Variants in TGFBR2 observed in about 807,000 individuals in gnomAD.
TGFBR2 encodes transforming growth factor beta receptor 2.
In TGFBR2, 18 loss-of-function variants were observed where a neutral mutation model predicts 49.0. The ratio of observed to expected loss-of-function variants is 0.37; its 90% CI spans 0.25 to 0.54. The LOEUF is 0.54. TGFBR2 is among the 20% of genes least tolerant of loss of function. The probability of loss-of-function intolerance (pLI) is 0.85; values close to 1 mark genes in which losing one functional copy is unlikely to be tolerated. For synonymous variants in TGFBR2, 282 were observed against 275.9 expected (o/e 1.02, Z -0.22); for missense variants, 525 against 722.6 (o/e 0.73, Z 3.13).
intron 3 of TGFBR2, among the ~76,000 whole-genome samples, chr3:30,662,114 G>T (rs981077806): frequency 2.0e-5 from 3 of 152,172 alleles, no homozygotes; most frequent in Non-Finnish European, 4.4e-5. Context: ...TTGCTTTAGA[G>T]AACAGCAGAA....
intron 5 of TGFBR2, among the ~76,000 whole-genome samples, chr3:30,679,000 G>A (rs552571880): frequency 1.9e-4 from 29 of 152,278 alleles, no homozygotes; most frequent in African/African-American, 7.0e-4. Context: ...GCCTTTAAGT[G>A]ACTCATAAAC....
chr3:30,607,951 T>A (rs563732843), intron 1 of TGFBR2, among the ~76,000 whole-genome samples: 2 of 150,488 alleles, frequency 1.3e-5, no homozygotes, highest in Admixed American at 6.6e-5. Flanking sequence ...GTTAGATTTT[T>A]TTTTTTTGGA....
intron 2 of TGFBR2, among the ~76,000 whole-genome samples, chr3:30,647,480 A>T (rs1698764789): frequency 6.6e-6 from 1 of 152,146 alleles, no homozygotes; most frequent in African/African-American, 2.4e-5. Context: ...TATTGTAAAA[A>T]TAGCCAGTGT....
At chr3:30,615,434 A>C (rs1698113960) in intron 1 of TGFBR2, among the ~76,000 whole-genome samples, 1 of 152,212 alleles carries the variant, frequency 6.6e-6, no homozygotes, top group South Asian at 2.1e-4. Context: ...AAGTCAATCC[A>C]AAAAATTTAT....
At chr3:30,653,815 CAT>C (rs1698945253) in intron 3 of TGFBR2, among the ~76,000 whole-genome samples, 1 of 152,140 alleles carries the variant, frequency 6.6e-6, no homozygotes, top group African/African-American at 2.4e-5. Context: ...TCAGAGAAAA[CAT>C]ACTGTCGCTG....
chr3:30,606,540 C>T (rs886058298), upstream of TGFBR2: 2 of 277,774 alleles, frequency 7.2e-6, no homozygotes, highest in Non-Finnish European at 1.4e-5. Flanking sequence ...GAGGTCCTGC[C>T]CAGCTGTTGG....
At chr3:30,688,622 C>A in intron 6 of TGFBR2, 111 bp downstream of exon 6, 1 of 1,458,306 alleles carries the variant, frequency 6.9e-7, no homozygotes, top group Non-Finnish European at 9.4e-7. Flanking sequence ...CCATTGTGTT[C>A]TATGGCCCTG....
In TGFBR2 at chr3:30,678,562, A is replaced by AT. The variant is rs1559469312; in HGVS notation, c.1396+4316_1396+4317insT. 3.3e-4 allele frequency among the ~76,000 whole-genome samples: 50 copies of AT among 151,208 alleles called. 1 individual carries two copies. Among genetic ancestry groups the AT allele is most frequent in the Non-Finnish European group, 4.4e-4 (30 of 67,774 alleles). On this transcript the variant is annotated intron_variant, in intron 5 of 6. Transcript: ENST00000295754. ...GACTGCGTCTAAAAAAAAAAAAAAA[A>AT]AAAAAAGAGGTATGGTCCACCTCAA...
At chr3:30,661,520 A>G (rs758077894) in intron 3 of TGFBR2, 2 of 492,108 alleles carry the variant, frequency 4.1e-6, no homozygotes, top group East Asian at 1.1e-4. Flanking sequence ...CCAATTTTCT[A>G]AAACTTGACA....
At chr3:30,673,447 C>T (rs549452869) in intron 4 of TGFBR2, among the ~76,000 whole-genome samples, 25 of 152,280 alleles carry the variant, frequency 1.6e-4, no homozygotes, top group Non-Finnish European at 2.6e-4. Flanking sequence ...ATGGATCCGA[C>T]GTTTGCATAT....
chr3:30,641,966 A>G (rs1203376178), intron 1 of TGFBR2, among the ~76,000 whole-genome samples: 3 of 146,896 alleles, frequency 2.0e-5, no homozygotes, highest in Non-Finnish European at 3.0e-5. Flanking sequence ...CTTTCTTCTA[A>G]TGGTCCTTTT....
rs909297012 is a variant in TGFBR2 at position 30,691,945 on chromosome 3, C to T, written c.*346C>T. The T allele has an allele frequency of 2.7e-5, 6 of 219,546 alleles. No individual in the cohort carries two copies. Among genetic ancestry groups the T allele is most frequent in the Non-Finnish European group, 4.5e-5 (5 of 110,120 alleles). The allele number at this position is 219,546 out of a possible 1,614,324, so 13.6% of individuals were successfully genotyped here. On this transcript the variant is annotated 3_prime_UTR_variant, in exon 7 of 7. Coordinates refer to ENST00000295754, the MANE Select transcript of TGFBR2 (RefSeq NM_003242.6). The stretch of plus-strand genomic sequence containing the variant: ...TATATATATCTATATATGTCTATAG[C>T]TCTATATATATAGCCATACCTTGAA...
chr3:30,627,954 G>A (rs1046647502), intron 1 of TGFBR2, among the ~76,000 whole-genome samples: 3 of 151,996 alleles, frequency 2.0e-5, no homozygotes, highest in Non-Finnish European at 4.4e-5. Context: ...TATAATCACA[G>A]TGGGACAGAT....
intron 2 of TGFBR2, among the ~76,000 whole-genome samples, chr3:30,648,447 CA>C (rs1559458153): frequency 2.3e-4 from 34 of 150,340 alleles, no homozygotes; most frequent in African/African-American, 4.2e-4. Flanking sequence ...CACACACACA[CA>C]CACACACACA....
intron 3 of TGFBR2, among the ~76,000 whole-genome samples, chr3:30,661,036 G>A (rs1020341341): frequency 6.6e-6 from 1 of 152,184 alleles, no homozygotes; most frequent in Non-Finnish European, 1.5e-5. Flanking sequence ...TTTCCAAAGC[G>A]ATCTGGTCTC....
chr3:30,673,119 C>T (rs1040938101), intron 4 of TGFBR2, among the ~76,000 whole-genome samples: 1 of 152,200 alleles, frequency 6.6e-6, no homozygotes, highest in Admixed American at 6.5e-5. Context: ...AGCCAGGTGG[C>T]AGGACACACT....
intron 1 of TGFBR2, among the ~76,000 whole-genome samples, chr3:30,641,255 T>C (rs1038119118): frequency 6.6e-6 from 1 of 152,226 alleles, no homozygotes; most frequent in African/African-American, 2.4e-5. Flanking sequence ...TTCATAAGGC[T>C]TTTATCAAAC....
chr3:30,644,645 A>G, intron 1 of TGFBR2, 102 bp from the exon 2 acceptor site: 1 of 1,124,814 alleles, frequency 8.9e-7, no homozygotes. Context: ...ATTCATTCTC[A>G]TGACATCAAG....
At chr3:30,658,153 C>T (rs540386980) in intron 3 of TGFBR2, among the ~76,000 whole-genome samples, 2 of 152,332 alleles carry the variant, frequency 1.3e-5, no homozygotes, top group African/African-American at 4.8e-5. Context: ...TTTACAAAAA[C>T]AGGGCTCAGG....
Sources: allele counts gnomAD v4.1 joint callset (sites outside exome capture counted in the v4.1 genomes callset), GRCh38; gene constraint gnomAD v4.1.1; transcripts MANE v1.5; gene names NCBI Gene and HGNC (gene_info 2026-07-23, HGNC 2026-07-21).